The following WWOX variants were observed in gnomAD, a reference collection of about 807,000 sequenced individuals.
The protein encoded by WWOX is WW domain containing oxidoreductase, also known as WW domain-containing oxidoreductase.
In WWOX, 69 loss-of-function variants were observed where a neutral mutation model predicts 46.2. The ratio of observed to expected loss-of-function variants is 1.49; its 90% CI spans 1.23 to 1.82. The LOEUF (loss-of-function observed/expected upper bound fraction) is 1.82, where lower values mean the gene tolerates loss of function less well. Among genes scored for constraint, WWOX ranks in the 40% most tolerant of loss-of-function variants. The pLI is 0.00. For missense variants in WWOX, 919 were observed against 542.6 expected, an observed-to-expected ratio of 1.69 and a Z score of -6.89; for synonymous variants, 359 against 202.6, an observed-to-expected ratio of 1.77 and a Z score of -6.56.
intron 8 of WWOX, among the ~76,000 whole-genome samples, chr16:78,656,194 G>A (rs529419457): frequency 6.6e-6 from 1 of 152,198 alleles, no homozygotes; most frequent in Non-Finnish European, 1.5e-5. Flanking sequence ...GGGTGGGTGT[G>A]TGTGAAAGGT....
At chr16:78,673,770 C>T (rs984767894) in intron 8 of WWOX, among the ~76,000 whole-genome samples, 1 of 152,160 alleles carries the variant, frequency 6.6e-6, no homozygotes, top group African/African-American at 2.4e-5. Context: ...CATGTTATTT[C>T]AATACAACCC....
chr16:78,614,007 A>G (rs924098709), intron 8 of WWOX, among the ~76,000 whole-genome samples: 1 of 152,220 alleles, frequency 6.6e-6, no homozygotes, highest in African/African-American at 2.4e-5. Context: ...TCATGACAGT[A>G]ACCATATGCC....
At chr16:78,598,552 A>C (rs1207427499) in intron 8 of WWOX, among the ~76,000 whole-genome samples, 2 of 152,190 alleles carry the variant, frequency 1.3e-5, no homozygotes, top group African/African-American at 4.8e-5. Flanking sequence ...GATTTTGACC[A>C]GGCAGGCTCT....
chr16:78,779,764 G>A (rs756046506), intron 8 of WWOX, among the ~76,000 whole-genome samples: 35 of 152,152 alleles, frequency 2.3e-4, no homozygotes, highest in Middle Eastern at 3.2e-3. Context: ...TAGGCAGCAC[G>A]TTGGTGGCAG....
chr16:78,862,959 G>GT (rs35529711), intron 8 of WWOX, among the ~76,000 whole-genome samples: 43,946 of 133,612 alleles, frequency 0.33, 7,508 homozygotes, highest in Middle Eastern at 0.46. Flanking sequence ...GTTATGCCAA[G>GT]TTTTTTTTTT....
chr16:78,461,927 A>G (rs1248007660), intron 8 of WWOX, among the ~76,000 whole-genome samples: 1 of 152,210 alleles, frequency 6.6e-6, no homozygotes, highest in East Asian at 1.9e-4. Flanking sequence ...TATGTTCTGT[A>G]CTTCAATCAG....
intron 8 of WWOX, among the ~76,000 whole-genome samples, chr16:78,905,677 C>G (rs971488606): frequency 2.6e-5 from 4 of 152,234 alleles, no homozygotes; most frequent in Non-Finnish European, 2.9e-5. Flanking sequence ...GCCACCTGGC[C>G]CAGCCAGAAT....
At chr16:78,490,480 C>T (rs1353656073) in intron 8 of WWOX, among the ~76,000 whole-genome samples, 1 of 152,156 alleles carries the variant, frequency 6.6e-6, no homozygotes, top group Non-Finnish European at 1.5e-5. Flanking sequence ...TCCCGCAAAT[C>T]TATTTACGGT....
chr16:78,910,404 G>C (rs919083360), intron 8 of WWOX, among the ~76,000 whole-genome samples: 1 of 151,904 alleles, frequency 6.6e-6, no homozygotes, highest in African/African-American at 2.4e-5. Flanking sequence ...TCTGTATCAA[G>C]TCACCGTGTT....
chr16:78,971,152 G>A (rs971528408), intron 8 of WWOX, among the ~76,000 whole-genome samples: 3 of 151,890 alleles, frequency 2.0e-5, no homozygotes, highest in African/African-American at 7.3e-5. Flanking sequence ...CTGAGCAATC[G>A]CTGTGGTCAA....
chr16:78,627,528 C>A (rs1448135039), intron 8 of WWOX, among the ~76,000 whole-genome samples: 1 of 152,038 alleles, frequency 6.6e-6, no homozygotes. Flanking sequence ...AAGAAGTCAC[C>A]AATGAGAGTT....
intron 8 of WWOX, among the ~76,000 whole-genome samples, chr16:79,015,267 C>T (rs2047390448): frequency 1.3e-5 from 2 of 152,242 alleles, no homozygotes; most frequent in South Asian, 2.1e-4. Flanking sequence ...AAAAGCGAGA[C>T]AATGGGGTCA....
chr16:78,914,608 A>G (rs898448200), intron 8 of WWOX, among the ~76,000 whole-genome samples: 7 of 151,978 alleles, frequency 4.6e-5, no homozygotes, highest in Non-Finnish European at 8.8e-5. Context: ...GGCCGGGAGC[A>G]GCGGCTCACA....
intron 8 of WWOX, among the ~76,000 whole-genome samples, chr16:78,543,057 T>C (rs56882555): frequency 0.027 from 4,119 of 152,316 alleles, 152 homozygotes; most frequent in African/African-American, 0.088. Context: ...AGTACACATA[T>C]TTGAGCAGAG....
At chr16:79,121,020 T>G (rs138631855) in intron 8 of WWOX, among the ~76,000 whole-genome samples, 1 of 152,148 alleles carries the variant, frequency 6.6e-6, no homozygotes, top group Non-Finnish European at 1.5e-5. Flanking sequence ...CCACCTGCCT[T>G]GGCCTCCCAA....
intron 5 of WWOX, among the ~76,000 whole-genome samples, chr16:78,177,373 C>G (rs554830250): frequency 6.6e-6 from 1 of 152,140 alleles, no homozygotes; most frequent in Non-Finnish European, 1.5e-5. Context: ...TGAGGTGATA[C>G]CCCTAAACTG....
intron 8 of WWOX, among the ~76,000 whole-genome samples, chr16:78,845,762 C>T (rs186401995): frequency 6.6e-6 from 1 of 152,190 alleles, no homozygotes; most frequent in Non-Finnish European, 1.5e-5. Flanking sequence ...ATGTACTAAT[C>T]CTGTACTAAT....
chr16:79,089,456 C>T (rs556642893), intron 8 of WWOX, among the ~76,000 whole-genome samples: 1 of 151,890 alleles, frequency 6.6e-6, no homozygotes, highest in Non-Finnish European at 1.5e-5. Flanking sequence ...CTCAGCCTCC[C>T]GAGTAGCTGG....
intron 8 of WWOX, among the ~76,000 whole-genome samples, chr16:78,586,464 C>T (rs1029865201): frequency 1.3e-5 from 2 of 152,096 alleles, no homozygotes; most frequent in Non-Finnish European, 2.9e-5. Flanking sequence ...TATTTGTCAT[C>T]CTCTGTACCT....
Sources: gnomAD v4.1 joint callset for allele counts (sites outside exome capture counted in the v4.1 genomes callset) on GRCh38, gnomAD v4.1.1 for gene constraint, MANE v1.5 for transcripts, NCBI Gene and HGNC (gene_info 2026-07-23, HGNC 2026-07-21) for gene names.